IRS4: variants seen among roughly 807,000 people sequenced by gnomAD.
The protein encoded by IRS4 is insulin receptor substrate 4.
In IRS4, 15 loss-of-function variants were observed where a neutral mutation model predicts 48.6. The ratio of observed to expected loss-of-function variants is 0.31; its 90% confidence interval spans 0.21 to 0.48. IRS4 has a LOEUF of 0.48. Ranked by LOEUF, IRS4 falls within the 20% of genes least tolerant of loss-of-function variation. The pLI is 0.99. For missense variants in IRS4, 987 were observed against 1,023.4 expected (o/e 0.96, Z 0.49); for synonymous variants, 459 against 413.2 (o/e 1.11, Z -1.34).
rs762219287 is a variant in IRS4 at position 108,732,638 on chromosome X, T to C, written c.3707A>G (p.Asp1236Gly). 1 of 1,211,599 alleles carries C rather than the reference T, an allele frequency of 8.3e-7. No individual in the cohort carries two copies. Among genetic ancestry groups the C allele is most frequent in the Non-Finnish European group, 1.1e-6 (1 of 895,373 alleles). ...PEREDSDNDD[D>G]THVRMDFARR... Reference sequence around the variant, plus strand: ...GGCAAAATCCATTCTCACGTGAGTGTCGTCGTCGTTGTCAGAATCTTCTCT... The same window carrying C: ...GGCAAAATCCATTCTCACGTGAGTGCCGTCGTCGTTGTCAGAATCTTCTCT... The change falls in exon 1 of 2, where the codon GAC becomes GGC. Residue 1236 changes from aspartate to glycine, a missense_variant. Physicochemically the swap from Asp to Gly is moderately conservative, Grantham distance 94 (BLOSUM62 -1). This residue lies in a region of IRS4 where 720 missense variants were observed against 660.3 expected (regional missense o/e 1.09). Transcript: ENST00000372129.
intron 1 of IRS4, among the ~76,000 whole-genome samples, chrX:108,730,321 A>ACCCCCCCCCCCCCC (rs1569510851): frequency 1.5e-5 from 1 of 68,403 alleles, no homozygotes; most frequent in Non-Finnish European, 2.8e-5. Flanking sequence ...CACCACCACC[A>ACCCCCCCCCCCCCC]CCCCCACCCC....
chrX:108,724,756 T>C (rs2068867390), intron 1 of IRS4: 1 of 112,480 alleles, frequency 8.9e-6, no homozygotes, highest in African/African-American at 3.2e-5. Flanking sequence ...ATGCTTGTAA[T>C]AATGTGGTCT....
At chrX:108,724,229 T>G (rs935074353) in intron 1 of IRS4, 7 of 111,864 alleles carry the variant, frequency 6.3e-5, no homozygotes, top group African/African-American at 2.3e-4. Flanking sequence ...TTTTTCTTTC[T>G]CTTTCCTTTT....
intron 1 of IRS4, chrX:108,724,087 G>A (rs2068865159): frequency 8.9e-6 from 1 of 112,139 alleles, no homozygotes. Context: ...TGCTTTAAAA[G>A]GGACTTCTTG....
At chrX:108,730,473 T>C in intron 1 of IRS4, among the ~76,000 whole-genome samples, 3 of 111,470 alleles carry the variant, frequency 2.7e-5, no homozygotes, top group Middle Eastern at 9.2e-3. Flanking sequence ...ATTAATCCAA[T>C]GACACTAAAA....
At chrX:108,728,156 A>T (rs770483791) in intron 1 of IRS4, among the ~76,000 whole-genome samples, 1 of 111,868 alleles carries the variant, frequency 8.9e-6, no homozygotes, top group Non-Finnish European at 1.9e-5. Context: ...AGATACATAC[A>T]CTATTTGTGT....
At chrX:108,729,994 TGTTC>T (rs2068891921) in intron 1 of IRS4, among the ~76,000 whole-genome samples, 1 of 112,019 alleles carries the variant, frequency 8.9e-6, no homozygotes, top group African/African-American at 3.2e-5. Context: ...TGCCAGGCAC[TGTTC>T]TAAGCACCTG....
intron 1 of IRS4, chrX:108,724,107 A>G (rs2068865248): frequency 8.9e-6 from 1 of 112,642 alleles, no homozygotes; most frequent in Non-Finnish European, 1.9e-5. Flanking sequence ...GCTGTCTTAT[A>G]TGATACACTG....
chrX:108,732,304 T>C (rs189949829), intron 1 of IRS4, among the ~76,000 whole-genome samples: 3 of 112,440 alleles, frequency 2.7e-5, no homozygotes, highest in African/African-American at 9.7e-5. Flanking sequence ...AAAGTATCCT[T>C]ATGCTTTTTA....
At chrX:108,725,734 T>C (rs1473181882) in intron 1 of IRS4, among the ~76,000 whole-genome samples, 1 of 111,851 alleles carries the variant, frequency 8.9e-6, no homozygotes, top group Non-Finnish European at 1.9e-5. Context: ...CAACACCAAT[T>C]ATACCAGACT....
Position 108,732,707 on chromosome X carries a change from G to A in IRS4, c.3638C>T (p.Pro1213Leu). ...AGGAAAAAAA[P>L]EPPPRSRRVP... ...CCGGCGACTGCGAGGTGGTGGTTCCGGAGCGGCAGCTGCAGCGGCAGCCCC... is the reference window on the plus strand; with the variant it reads ...CCGGCGACTGCGAGGTGGTGGTTCCAGAGCGGCAGCTGCAGCGGCAGCCCC... The change falls in exon 1 of 2, where the codon CCG (proline) becomes CTG (leucine). Residue 1213 changes from proline to leucine, a missense_variant. Pro to Leu is a moderately conservative substitution (Grantham distance 98). Coordinates refer to ENST00000372129, the MANE Select transcript of IRS4 (RefSeq NM_001379150.1). The A allele has an allele frequency of 1.7e-6, 2 of 1,211,577 alleles. No individual in the cohort carries two copies. The highest frequency in any genetic ancestry group is 2.3e-4 in the Middle Eastern group (1 of 4,355).
rs1338267959 is a variant in IRS4 at position 108,720,164 on chromosome X, G to T, written c.*2355C>A. 5 of 112,383 alleles carry T rather than the reference G, an allele frequency of 4.4e-5. No homozygotes were observed. Among genetic ancestry groups the T allele is most frequent in the African/African-American group, 1.6e-4 (5 of 30,940 alleles). 9.3% of individuals were successfully genotyped at this position (112,383 alleles called of 1,213,427 possible). A position where few individuals can be genotyped will look rare whatever the true frequency, so the allele number is the denominator to read the frequency against. The stretch of plus-strand genomic sequence containing the variant: ...TATCTGTGAAGCAGAAATAGCAGAT[G>T]TAATTAGCTGGTGGAACTGTAAAGT... On this transcript the variant is annotated 3_prime_UTR_variant, in exon 2 of 2. Coordinates refer to ENST00000372129, the MANE Select transcript of IRS4 (RefSeq NM_001379150.1).
Position 108,735,766 on chromosome X carries a change from C to A in IRS4, c.579G>T (p.Leu193=). 8.3e-7 allele frequency: 1 copy of A among 1,206,686 alleles called. No individual in the cohort carries two copies. The highest frequency in any genetic ancestry group is 1.8e-5 in the South Asian group (1 of 56,587). ...NESEQESWYL[L]LSRLILESKR... Reference sequence around the variant, plus strand: ...TGCTCTCGAGGATGAGGCGGCTGAGCAGCAAGTACCAGCTTTCCTGCTCCG... The same window carrying A: ...TGCTCTCGAGGATGAGGCGGCTGAGAAGCAAGTACCAGCTTTCCTGCTCCG... Residue 193 remains leucine (L), a synonymous_variant, in exon 1 of 2, where the codon CTG becomes CTT. Transcript: ENST00000372129.
At chrX:108,728,869 C>A (rs1357544184) in intron 1 of IRS4, among the ~76,000 whole-genome samples, 1 of 111,589 alleles carries the variant, frequency 9.0e-6, no homozygotes, top group African/African-American at 3.3e-5. Flanking sequence ...TTCTGGTGTG[C>A]TTAATTAAAG....
rs776579394 is a variant in IRS4 at position 108,720,981 on chromosome X, A to G, written c.*1538T>C. 30 of 113,245 alleles carry G rather than the reference A, an allele frequency of 2.6e-4. No individual in the cohort carries two copies. The highest frequency in any genetic ancestry group is 9.0e-4 in the African/African-American group (28 of 31,239). 9.3% of individuals were successfully genotyped at this position (113,245 alleles called of 1,213,427 possible). ...AAGATAGAAGTACACGTTCAAAGACATTAAAACCAAGTAGTGAAAACCTTT... is the reference window on the plus strand; with the variant it reads ...AAGATAGAAGTACACGTTCAAAGACGTTAAAACCAAGTAGTGAAAACCTTT... On this transcript the variant is annotated 3_prime_UTR_variant, in exon 2 of 2. Transcript: ENST00000372129.
At chrX:108,731,323 T>C (rs949720940) in intron 1 of IRS4, among the ~76,000 whole-genome samples, 3 of 110,910 alleles carry the variant, frequency 2.7e-5, no homozygotes, top group African/African-American at 9.9e-5. Flanking sequence ...AGAGATCCAA[T>C]CACAAAAGCA....
At chrX:108,726,115 C>T (rs1424568888) in intron 1 of IRS4, 1 of 112,617 alleles carries the variant, frequency 8.9e-6, no homozygotes, top group East Asian at 2.8e-4. Flanking sequence ...TTCAAATTTA[C>T]AAAACAGACA....
intron 1 of IRS4, chrX:108,724,446 T>A (rs1229981375): frequency 1.8e-5 from 2 of 112,460 alleles, no homozygotes; most frequent in Non-Finnish European, 3.8e-5. Context: ...AACAGGATAA[T>A]CCCAAAATAA....
chrX:108,724,324 T>C (rs1029954875), intron 1 of IRS4: 4 of 112,282 alleles, frequency 3.6e-5, no homozygotes, highest in African/African-American at 1.3e-4. Context: ...AGTGAATGTT[T>C]GGTAACTTAA....
Sources: allele counts gnomAD v4.1 joint callset (sites outside exome capture counted in the v4.1 genomes callset), GRCh38; gene constraint gnomAD v4.1.1; regional missense constraint gnomAD v4.1.1; transcripts MANE v1.5; gene names NCBI Gene and HGNC (gene_info 2026-07-23, HGNC 2026-07-21).